KPNA5: variants seen among roughly 807,000 people sequenced by gnomAD.
KPNA5 encodes the protein importin subunit alpha-6.
In KPNA5, 46 loss-of-function variants were observed where a neutral mutation model predicts 71.3. That is an observed-to-expected ratio of 0.65 (90% CI 0.51 to 0.83). The LOEUF (loss-of-function observed/expected upper bound fraction) is 0.83. Ranked by LOEUF, KPNA5 falls within the 40% of genes least tolerant of loss-of-function variation. KPNA5 has a pLI of 0.00. For synonymous variants in KPNA5, 207 were observed against 201.4 expected (o/e 1.03, Z -0.24); for missense variants, 547 against 628.3 (o/e 0.87, Z 1.38).
At chr6:116,693,358 TA>T (rs1352600622) in intron 4 of KPNA5, among the ~76,000 whole-genome samples, 1 of 152,200 alleles carries the variant, frequency 6.6e-6, no homozygotes, top group East Asian at 1.9e-4. Flanking sequence ...ACCAACAGTG[TA>T]AAAGTGTTCC....
At chr6:116,690,160 CCT>C (rs1554254751) in intron 2 of KPNA5, among the ~76,000 whole-genome samples, 1 of 152,098 alleles carries the variant, frequency 6.6e-6, no homozygotes, top group Non-Finnish European at 1.5e-5. Flanking sequence ...GTATTGAACT[CCT>C]CGCCTCAAGC....
chr6:116,722,056 C>T, intron 8 of KPNA5, 70 bp from the exon 9 acceptor site: 6 of 1,189,968 alleles, frequency 5.0e-6, no homozygotes, highest in South Asian at 4.3e-5. Flanking sequence ...AAATGAATTT[C>T]TATATTTTTC....
intron 10 of KPNA5, among the ~76,000 whole-genome samples, chr6:116,725,285 A>T (rs1452669756): frequency 6.6e-6 from 1 of 152,232 alleles, no homozygotes; most frequent in East Asian, 1.9e-4. Flanking sequence ...AATGCAGAAT[A>T]TACTTGTTTA....
At chr6:116,732,074 T>TAG (rs1554258547) in intron 13 of KPNA5, 62 bp from the exon 14 acceptor site, 3 of 67,758 alleles carry the variant, frequency 4.4e-5, no homozygotes, top group Admixed American at 1.9e-4. Flanking sequence ...AACAGTTTGT[T>TAG]TATATATATA....
chr6:116,740,878 A>C lies in KPNA5; in HGVS notation c.*8555A>C, dbSNP rs1189157099. On this transcript the variant is annotated 3_prime_UTR_variant, in exon 14 of 14. Transcript: ENST00000368564. Reference sequence around the variant, plus strand: ...GGGAGGGGGGAGGGATAGCTTTAGGAGATATACCTAATGCTAAATGACGAG... The same window carrying C: ...GGGAGGGGGGAGGGATAGCTTTAGGCGATATACCTAATGCTAAATGACGAG... 1 of 151,810 alleles carries C rather than the reference A, an allele frequency of 6.6e-6. No individual in the cohort carries two copies. Among genetic ancestry groups the C allele is most frequent in the Non-Finnish European group, 1.5e-5 (1 of 67,960 alleles). The allele number at this position is 151,810 out of a possible 1,614,324, so 9.4% of individuals were successfully genotyped here. A position where few individuals can be genotyped will look rare whatever the true frequency, so the allele number is the denominator to read the frequency against.
rs1779410430 is a variant in KPNA5 at position 116,729,586 on chromosome 6, T to C, written c.1277T>C (p.Ile426Thr). ...AGGTATTTGGTAGCTTTAGGCTGCA[T>C]TAAACCACTTTGTGATCTTTTGACT... is the stretch of plus-strand genomic sequence containing the variant. ...QIRYLVALGC[I>T]KPLCDLLTVM... The change falls in exon 13 of 14, where the codon ATT becomes ACT. Residue 426 changes from isoleucine (I) to threonine (T), a missense_variant. By Grantham distance (89) the Ile-to-Thr change is moderately conservative. Transcript: ENST00000368564. The C allele has an allele frequency of 6.3e-7, 1 of 1,589,306 alleles. No individual in the cohort carries two copies.
chr6:116,728,330 T>A (rs1233287486), intron 12 of KPNA5, among the ~76,000 whole-genome samples: 2 of 152,208 alleles, frequency 1.3e-5, no homozygotes, highest in African/African-American at 2.4e-5. Flanking sequence ...TTTATTAGTA[T>A]GGATTAAGTA....
At position 116,723,146 on chromosome 6, in the gene KPNA5, A is replaced by G. The variant is rs1056948364; in HGVS notation, c.920+857A>G. The stretch of plus-strand genomic sequence containing the variant: ...TGGCTGAGGTAAAAGATTGGCTGAT[A>G]TAGGGAGGTTAGGAAAATAGAAGCT... On this transcript the variant is annotated intron_variant, in intron 9 of 13. Coordinates refer to ENST00000368564, the MANE Select transcript of KPNA5 (RefSeq NM_001366306.2). 9.8e-5 allele frequency among the ~76,000 whole-genome samples: 15 copies of G among 152,300 alleles called. No individual in the cohort carries two copies. The East Asian group carries it at 2.9e-3, about 29-fold the overall frequency.
chr6:116,689,388 C>T lies in KPNA5; in HGVS notation c.73C>T (p.Gln25Ter), dbSNP rs775169030. 4.3e-6 allele frequency: 7 copies of T among 1,609,958 alleles called. No homozygotes were observed. In the South Asian group the frequency reaches 7.8e-5, roughly 18 times the overall value. Residue 25 changes from glutamine (Q) to a stop codon, truncating the protein, a stop_gained, in exon 2 of 14, where the codon CAA (glutamine) becomes TAA (stop). Transcript: ENST00000368564. LOFTEE classifies it high-confidence loss of function. ...TTATAAGAATAAAGCCCTAAATCCT[C>T]AAGAGATGCGTAGACGAAGAGAAGA... ...KSYKNKALNP[Q>*]EMRRRREEEG... is the part of the protein sequence containing the mutation.
intron 7 of KPNA5, among the ~76,000 whole-genome samples, chr6:116,710,023 T>A (rs1232080811): frequency 6.6e-6 from 1 of 152,198 alleles, no homozygotes; most frequent in Non-Finnish European, 1.5e-5. Context: ...CCTCCCAAGG[T>A]GCTGGGATTA....
chr6:116,688,444 T>C (rs1777677605), intron 1 of KPNA5, among the ~76,000 whole-genome samples: 1 of 152,102 alleles, frequency 6.6e-6, no homozygotes, highest in Non-Finnish European at 1.5e-5. Context: ...GGCACCCTGC[T>C]TTAGGCAGAT....
Position 116,738,636 on chromosome 6 carries a change from A to C in KPNA5, c.*6313A>C, listed in dbSNP as rs1182685548. 4 of 151,508 alleles carry C rather than the reference A, an allele frequency of 2.6e-5. No homozygotes were observed. Among genetic ancestry groups the C allele is most frequent in the African/African-American group, 9.7e-5 (4 of 41,342 alleles). The allele number at this position is 151,508 out of a possible 1,614,324, so 9.4% of individuals were successfully genotyped here. On this transcript the variant is annotated 3_prime_UTR_variant, in exon 14 of 14. Transcript: ENST00000368564. ...GGCAAACCGAATCCAGCAGCACATC[A>C]AAAAGCTTATCCACCATGATCAAGT... is the stretch of plus-strand genomic sequence containing the variant.
In KPNA5 at chr6:116,719,112, TA is replaced by T. The variant is rs568119849; in HGVS notation, c.756+2795del. Among the ~76,000 whole-genome samples the T allele has an allele frequency of 1.1e-4, 16 of 152,302 alleles. No individual in the cohort carries two copies. The East Asian group carries it at 2.9e-3, about 28-fold the overall frequency. On this transcript the variant is annotated intron_variant, in intron 8 of 13. Coordinates refer to ENST00000368564, the MANE Select transcript of KPNA5 (RefSeq NM_001366306.2). Reference sequence around the variant, plus strand: ...AATTTTCATTTCTACAATCCTATTTTATCTTTTCAATAAGTAGTTGTCTTGC... The same window carrying T: ...AATTTTCATTTCTACAATCCTATTTTTCTTTTCAATAAGTAGTTGTCTTGC...
chr6:116,683,759 G>A (rs954182215), intron 1 of KPNA5, among the ~76,000 whole-genome samples: 3 of 151,304 alleles, frequency 2.0e-5, no homozygotes, highest in African/African-American at 7.3e-5. Flanking sequence ...CACCACGCCC[G>A]GCTAATTTTT....
Position 116,737,249 on chromosome 6 carries a change from G to A in KPNA5, c.*4926G>A, listed in dbSNP as rs1779705853. On this transcript the variant is annotated 3_prime_UTR_variant, in exon 14 of 14. Transcript: ENST00000368564. ...TACTCTATTACCCTATGAATTACAA[G>A]GGATTTTCACTTTGGCTAGTGGAAC... is the stretch of plus-strand genomic sequence containing the variant. 1 of 151,860 alleles carries A rather than the reference G, an allele frequency of 6.6e-6. No homozygotes were observed. Among genetic ancestry groups the A allele is most frequent in the Non-Finnish European group, 1.5e-5 (1 of 67,904 alleles). 9.4% of individuals were successfully genotyped at this position (151,860 alleles called of 1,614,324 possible). A position where few individuals can be genotyped will look rare whatever the true frequency, so the allele number is the denominator to read the frequency against.
At chr6:116,721,552 G>A (rs954126012) in intron 8 of KPNA5, among the ~76,000 whole-genome samples, 1 of 152,012 alleles carries the variant, frequency 6.6e-6, no homozygotes, top group African/African-American at 2.4e-5. Context: ...GTGATCATGG[G>A]AATTTAAAAA....
intron 1 of KPNA5, chr6:116,681,662 C>A: frequency 3.7e-6 from 2 of 537,134 alleles, no homozygotes; most frequent in Non-Finnish European, 5.0e-6. Flanking sequence ...ATGGAATTGC[C>A]AAACGTTGCC....
intron 1 of KPNA5, chr6:116,681,597 C>G (rs954607990): frequency 8.7e-7 from 1 of 1,144,588 alleles, no homozygotes; most frequent in African/African-American, 1.6e-5. Flanking sequence ...TGATGGGCAG[C>G]TGGTCTCATC....
chr6:116,709,033 C>A (rs538976094), intron 7 of KPNA5, among the ~76,000 whole-genome samples: 1 of 151,762 alleles, frequency 6.6e-6, no homozygotes, highest in South Asian at 2.1e-4. Context: ...TGATACATCC[C>A]CCCTTGACCT....
Sources: gnomAD v4.1 joint callset for allele counts (sites outside exome capture counted in the v4.1 genomes callset) on GRCh38, gnomAD v4.1.1 for gene constraint, MANE v1.5 for transcripts, NCBI Gene and HGNC (gene_info 2026-07-23, HGNC 2026-07-21) for gene names.